CGNL1: variants seen among roughly 807,000 people sequenced by gnomAD.
The protein encoded by CGNL1 is cingulin-like protein 1.
A neutral mutation model predicts 141.2 loss-of-function variants in CGNL1; 132 were observed. That is an observed-to-expected ratio of 0.93 (90% CI 0.81 to 1.08). CGNL1 has a LOEUF of 1.08. Among genes scored for constraint, CGNL1 ranks in the 50% least tolerant of loss-of-function variants. CGNL1 has a pLI of 0.00. For missense variants in CGNL1, 1,870 were observed against 1,588.6 expected, an observed-to-expected ratio of 1.18 and a Z score of -3.01; for synonymous variants, 690 against 622.1, an observed-to-expected ratio of 1.11 and a Z score of -1.63.
chr15:57,508,480 C>G (rs1375669686), intron 8 of CGNL1, among the ~76,000 whole-genome samples: 1 of 152,316 alleles, frequency 6.6e-6, no homozygotes, highest in Non-Finnish European at 1.5e-5. Context: ...AGATTTGTAT[C>G]TCTTTTTTGA....
At position 57,488,701 on chromosome 15, in the gene CGNL1, G is replaced by C. The variant is rs2063818213; in HGVS notation, c.2403+26809G>C. 1.3e-5 allele frequency among the ~76,000 whole-genome samples: 2 copies of C among 152,224 alleles called. 1 individual carries two copies. Among genetic ancestry groups the C allele is most frequent in the South Asian group, 4.1e-4 (2 of 4,828 alleles). On this transcript the variant is annotated intron_variant, in intron 8 of 18. Coordinates refer to ENST00000281282, the MANE Select transcript of CGNL1 (RefSeq NM_032866.5). The stretch of plus-strand genomic sequence containing the variant: ...AGAGCTAGGCATGAACCTTTCGAGT[G>C]CACAGCTTGTGCCAAGAGTGGGTAA...
At chr15:57,506,517 T>G (rs1281811671) in intron 8 of CGNL1, among the ~76,000 whole-genome samples, 1 of 152,222 alleles carries the variant, frequency 6.6e-6, no homozygotes, top group African/African-American at 2.4e-5. Context: ...CTGTGTTTCA[T>G]AGAAGCCCCT....
chr15:57,417,607 C>CTT (rs5812893), intron 1 of CGNL1, among the ~76,000 whole-genome samples: 41,158 of 145,036 alleles, frequency 0.28, 5,932 homozygotes, highest in East Asian at 0.43. Flanking sequence ...TGAAATAGTG[C>CTT]TTTTTTTTTT....
intron 8 of CGNL1, among the ~76,000 whole-genome samples, chr15:57,511,537 T>C (rs1007936786): frequency 2.6e-5 from 4 of 152,244 alleles, no homozygotes; most frequent in Admixed American, 6.5e-5. Flanking sequence ...TGATGGATAC[T>C]ACCAAATTGC....
At chr15:57,544,734 T>C in intron 16 of CGNL1, 137 bp downstream of exon 16, 1 of 1,047,736 alleles carries the variant, frequency 9.5e-7, no homozygotes, top group Non-Finnish European at 1.3e-6. Context: ...CCCTTACTTT[T>C]ATTATTTCCA....
At chr15:57,402,955 T>C (rs1047244407) in intron 1 of CGNL1, among the ~76,000 whole-genome samples, 1 of 152,166 alleles carries the variant, frequency 6.6e-6, no homozygotes, top group Admixed American at 6.5e-5. Flanking sequence ...TAACTGCACA[T>C]ATGCGTAATT....
chr15:57,545,742 G>A (rs375340734), intron 17 of CGNL1, 42 bp downstream of exon 17: 34 of 1,521,120 alleles, frequency 2.2e-5, no homozygotes, highest in East Asian at 6.9e-5. Flanking sequence ...ATGAGATTGC[G>A]TGTCTCAGGC....
At chr15:57,398,880 G>A (rs1341416186) in intron 1 of CGNL1, among the ~76,000 whole-genome samples, 1 of 152,096 alleles carries the variant, frequency 6.6e-6, no homozygotes, top group Non-Finnish European at 1.5e-5. Context: ...CCATGTTTTT[G>A]TTGTTTAACC....
intron 1 of CGNL1, among the ~76,000 whole-genome samples, chr15:57,434,079 G>A (rs1283997944): frequency 1.3e-5 from 2 of 150,114 alleles, no homozygotes; most frequent in African/African-American, 4.9e-5. Context: ...TGAAAAGTAG[G>A]GGCCAAAACA....
At chr15:57,537,016 A>C (rs1484304295) in intron 14 of CGNL1, among the ~76,000 whole-genome samples, 2 of 152,226 alleles carry the variant, frequency 1.3e-5, no homozygotes, top group Non-Finnish European at 2.9e-5. Flanking sequence ...CAGGATTCAA[A>C]TAGCCAAAGA....
At chr15:57,519,114 A>T (rs1473685685) in intron 10 of CGNL1, among the ~76,000 whole-genome samples, 3 of 152,210 alleles carry the variant, frequency 2.0e-5, no homozygotes, top group Non-Finnish European at 4.4e-5. Context: ...AGATTTTCCC[A>T]TTTGAAGTAC....
chr15:57,396,860 T>A (rs2062608530), intron 1 of CGNL1: 1 of 152,128 alleles, frequency 6.6e-6, no homozygotes, highest in African/African-American at 2.4e-5. Flanking sequence ...TATAGCGCTC[T>A]TGCTATACGG....
chr15:57,476,320 C>A (rs1285975408), intron 8 of CGNL1, among the ~76,000 whole-genome samples: 1 of 152,166 alleles, frequency 6.6e-6, no homozygotes, highest in African/African-American at 2.4e-5. Flanking sequence ...ACGCAGGGAA[C>A]TTCTTGAACC....
intron 8 of CGNL1, among the ~76,000 whole-genome samples, chr15:57,487,604 A>G (rs1354640612): frequency 6.6e-6 from 1 of 152,200 alleles, no homozygotes; most frequent in East Asian, 1.9e-4. Context: ...GTTATTTTAT[A>G]TTTTAAAAAG....
intron 8 of CGNL1, among the ~76,000 whole-genome samples, chr15:57,511,948 C>A (rs1238261726): frequency 6.6e-6 from 1 of 152,238 alleles, no homozygotes; most frequent in African/African-American, 2.4e-5. Context: ...GGTGCTTCCT[C>A]TCTAATATTG....
At chr15:57,466,551 T>C (rs570763190) in intron 8 of CGNL1, among the ~76,000 whole-genome samples, 27 of 152,314 alleles carry the variant, frequency 1.8e-4, no homozygotes, top group African/African-American at 6.5e-4. Flanking sequence ...CCTGGTATTG[T>C]TGGCAATTTT....
chr15:57,543,150 C>T (rs1451851431), intron 14 of CGNL1, among the ~76,000 whole-genome samples: 1 of 152,144 alleles, frequency 6.6e-6, no homozygotes, highest in Admixed American at 6.5e-5. Context: ...TTGCCTCCTC[C>T]TAGCTTCTGG....
chr15:57,422,474 CT>C (rs1385251482), intron 1 of CGNL1, among the ~76,000 whole-genome samples: 1 of 152,174 alleles, frequency 6.6e-6, no homozygotes, highest in Non-Finnish European at 1.5e-5. Context: ...CATTTAAATA[CT>C]CTTCTCTTTT....
chr15:57,498,797 A>C (rs2063980332), intron 8 of CGNL1, among the ~76,000 whole-genome samples: 1 of 152,068 alleles, frequency 6.6e-6, no homozygotes, highest in Admixed American at 6.5e-5. Flanking sequence ...GCAGACACGC[A>C]GAGGCCCTGG....
Sources: gnomAD v4.1 joint callset for allele counts (sites outside exome capture counted in the v4.1 genomes callset) on GRCh38, gnomAD v4.1.1 for gene constraint, MANE v1.5 for transcripts, NCBI Gene and HGNC (gene_info 2026-07-23, HGNC 2026-07-21) for gene names.